The following TANC1 variants were observed in gnomAD, a reference collection of about 807,000 sequenced individuals.
TANC1 encodes the protein protein TANC1.
TANC1 carries 77 observed loss-of-function variants against 149.7 expected under a neutral mutation model. That is an observed-to-expected ratio of 0.51 (90% CI 0.43 to 0.62). TANC1 has a LOEUF of 0.62. Ranked by LOEUF, TANC1 falls within the 20% of genes least tolerant of loss-of-function variation. The probability of loss-of-function intolerance (pLI) is 0.00; values close to 1 mark genes in which losing one functional copy is unlikely to be tolerated. For missense variants in TANC1, 1,985 were observed against 2,321.8 expected, an observed-to-expected ratio of 0.85 and a Z score of 2.98; for synonymous variants, 854 against 925.0, an observed-to-expected ratio of 0.92 and a Z score of 1.39.
At chr2:159,156,310 G>T (rs903231253) in intron 7 of TANC1, among the ~76,000 whole-genome samples, 2 of 151,878 alleles carry the variant, frequency 1.3e-5, no homozygotes, top group African/African-American at 4.9e-5. Context: ...GTGAAGAGAA[G>T]AATTTTTCTT....
At chr2:159,111,768 T>C (rs1236336923) in intron 4 of TANC1, among the ~76,000 whole-genome samples, 1 of 152,192 alleles carries the variant, frequency 6.6e-6, no homozygotes, top group East Asian at 1.9e-4. Context: ...TGCACCATGA[T>C]GCCAGATGGA....
chr2:159,185,757 C>T (rs763151905), intron 14 of TANC1, 34 bp from the exon 15 acceptor site: 7 of 1,507,416 alleles, frequency 4.6e-6, no homozygotes, highest in East Asian at 2.3e-5. Context: ...GGAATGGGCT[C>T]TTCTGCTGTG....
chr2:159,194,155 C>A, intron 16 of TANC1, 102 bp from the exon 17 acceptor site: 1 of 862,484 alleles, frequency 1.2e-6, no homozygotes, highest in Non-Finnish European at 1.9e-6. Context: ...GTTTGAGAAC[C>A]ACTGGATTAA....
chr2:159,073,213 G>A lies in TANC1; in HGVS notation c.61+7242G>A, dbSNP rs531422358. ...TATATATGGAGGGCCCTTGTCCCCCGACCTCTTCATAGCTTTTCCATGTGT... is the reference window on the plus strand; with the variant it reads ...TATATATGGAGGGCCCTTGTCCCCCAACCTCTTCATAGCTTTTCCATGTGT... On this transcript the variant is annotated intron_variant, in intron 3 of 26. Transcript: ENST00000263635. 1.6e-4 allele frequency among the ~76,000 whole-genome samples: 24 copies of A among 152,256 alleles called. 1 individual carries two copies. Among genetic ancestry groups the A allele is most frequent in the African/African-American group, 4.3e-4 (18 of 41,554 alleles).
At chr2:159,075,165 A>C (rs2043535139) in intron 3 of TANC1, among the ~76,000 whole-genome samples, 1 of 152,210 alleles carries the variant, frequency 6.6e-6, no homozygotes, top group Admixed American at 6.5e-5. Context: ...AAAGTCAATC[A>C]ATTAGAATGT....
chr2:159,023,140 G>A (rs2038962407), intron 2 of TANC1, among the ~76,000 whole-genome samples: 1 of 152,108 alleles, frequency 6.6e-6, no homozygotes, highest in African/African-American at 2.4e-5. Context: ...TCAACACTTT[G>A]TCAGTCTTAT....
At chr2:158,985,561 T>C (rs1316914097) in intron 1 of TANC1, among the ~76,000 whole-genome samples, 1 of 152,204 alleles carries the variant, frequency 6.6e-6, no homozygotes, top group Non-Finnish European at 1.5e-5. Context: ...CTCAGATTAT[T>C]ACTTCAGGTT....
At chr2:159,048,190 G>T (rs1217858827) in intron 2 of TANC1, among the ~76,000 whole-genome samples, 2 of 152,140 alleles carry the variant, frequency 1.3e-5, no homozygotes. Context: ...ATGCCACCTT[G>T]TTTTGAGTTG....
At chr2:159,088,654 G>T (rs1459506377) in intron 3 of TANC1, among the ~76,000 whole-genome samples, 1 of 152,168 alleles carries the variant, frequency 6.6e-6, no homozygotes, top group African/African-American at 2.4e-5. Context: ...ACAAAAATTT[G>T]TAAACTTTCT....
rs943940139 is a variant in TANC1 at position 159,229,455 on chromosome 2, C to T, written c.4152-123C>T. ...TGGTTAAGTGGGTCCTGGCCACCAC[C>T]GTAAGTGTTCAAAACTCACTTGCTA... is the stretch of plus-strand genomic sequence containing the variant. On this transcript the variant is annotated intron_variant, in intron 26 of 26. Transcript: ENST00000263635. 1.5e-5 allele frequency: 12 copies of T among 825,520 alleles called. No individual in the cohort carries two copies. In the African/African-American group the frequency reaches 1.6e-4, roughly 11 times the overall value. The allele number at this position is 825,520 out of a possible 1,614,324, so 51.1% of individuals were successfully genotyped here.
intron 1 of TANC1, among the ~76,000 whole-genome samples, chr2:158,975,046 A>T (rs1268295282): frequency 6.7e-6 from 1 of 149,978 alleles, no homozygotes; most frequent in Non-Finnish European, 1.5e-5. Flanking sequence ...CCAACCCCCC[A>T]GTCCTCCTTC....
In TANC1 at chr2:159,012,940, G is replaced by A. The variant is rs1327267954; in HGVS notation, c.-16+11751G>A. Among the ~76,000 whole-genome samples the A allele has an allele frequency of 9.9e-5, 15 of 152,178 alleles. No individual in the cohort carries two copies. In the East Asian group the frequency reaches 2.3e-3, roughly 23 times the overall value. On this transcript the variant is annotated intron_variant, in intron 2 of 26. Coordinates refer to ENST00000263635, the MANE Select transcript of TANC1 (RefSeq NM_033394.3). The stretch of plus-strand genomic sequence containing the variant: ...CTCTTCTTGTTGGTAGTTTTGCATG[G>A]TATTTATGTAGCTCTATTTTTTAGC...
chr2:159,228,420 C>G (rs1182603738), intron 25 of TANC1: 6 of 251,166 alleles, frequency 2.4e-5, no homozygotes, highest in African/African-American at 4.5e-5. Flanking sequence ...TTCAGTAGTA[C>G]TTCCTACCTT....
chr2:159,178,289 G>C (rs1483211181), intron 13 of TANC1, among the ~76,000 whole-genome samples: 1 of 152,204 alleles, frequency 6.6e-6, no homozygotes, highest in Admixed American at 6.5e-5. Context: ...GTCTGCACAG[G>C]GCTCTTACTC....
intron 21 of TANC1, 63 bp from the exon 22 acceptor site, chr2:159,219,629 A>G (rs10490004): frequency 0.038 from 60,161 of 1,600,384 alleles, 3,821 homozygotes; most frequent in East Asian, 0.24. Flanking sequence ...GGTGTGAAAC[A>G]ATTTGCTTTC....
chr2:159,069,621 T>G (rs979604750), intron 3 of TANC1, among the ~76,000 whole-genome samples: 1 of 152,094 alleles, frequency 6.6e-6, no homozygotes, highest in African/African-American at 2.4e-5. Context: ...CTGGACCTAG[T>G]AGGAGTTTAC....
intron 13 of TANC1, among the ~76,000 whole-genome samples, chr2:159,178,145 G>A (rs2056078687): frequency 6.6e-6 from 1 of 152,220 alleles, no homozygotes; most frequent in Admixed American, 6.5e-5. Flanking sequence ...TTGGCGTCTG[G>A]CCGTGTTCTT....
chr2:159,183,485 G>A (rs777896521), intron 14 of TANC1, among the ~76,000 whole-genome samples: 1 of 152,098 alleles, frequency 6.6e-6, no homozygotes, highest in Non-Finnish European at 1.5e-5. Flanking sequence ...GTGGAGGAGG[G>A]TTTCAGGGAG....
chr2:159,001,413 G>T lies in TANC1; in HGVS notation c.-16+224G>T, dbSNP rs2149327333. Among the ~76,000 whole-genome samples, 1 of 152,256 alleles carries T rather than the reference G, an allele frequency of 6.6e-6. No homozygotes were observed. The highest frequency in any genetic ancestry group is 1.9e-4 in the East Asian group (1 of 5,176). On this transcript the variant is annotated intron_variant, in intron 2 of 26. Coordinates refer to ENST00000263635, the MANE Select transcript of TANC1 (RefSeq NM_033394.3). This position sits in a 1 kb window ranked among gnomAD's most constrained non-coding sequence, Gnocchi z 4.3. ...TTAATGAGTACAGAGTTTCAGTTGG[G>T]GAAGACAAAAAACTTGTATAGGTGG... is the stretch of plus-strand genomic sequence containing the variant.
Sources: gnomAD v4.1 joint callset for allele counts (sites outside exome capture counted in the v4.1 genomes callset) on GRCh38, gnomAD v4.1.1 for gene constraint, Gnocchi (gnomAD v3.1) non-coding constraint, MANE v1.5 for transcripts, NCBI Gene and HGNC (gene_info 2026-07-23, HGNC 2026-07-21) for gene names.